The following A2M variants were observed in gnomAD, a reference collection of about 807,000 sequenced individuals.
The protein encoded by A2M is alpha-2-macroglobulin, also known as C3 and PZP-like alpha-2-macroglobulin domain-containing protein 5.
Under a neutral mutation model 183.9 loss-of-function variants are expected in A2M, and 128 were observed. The observed-to-expected ratio is 0.70, with a 90% CI of 0.60 to 0.81. The LOEUF (loss-of-function observed/expected upper bound fraction) is 0.81, where lower values mean the gene tolerates loss of function less well. Among genes scored for constraint, A2M ranks in the 30% least tolerant of loss-of-function variants. A2M has a pLI of 0.00. For synonymous variants in A2M, 592 were observed against 670.8 expected (o/e 0.88, Z 1.81); for missense variants, 1,495 against 1,787.6 (o/e 0.84, Z 2.95).
Position 9,091,232 on chromosome 12 carries a change from G to A in A2M, c.2438C>T (p.Thr813Met), listed in dbSNP as rs774370975. The change falls in exon 19 of 36, where the codon ACG becomes ATG. Residue 813 changes from threonine to methionine, a missense_variant. Physicochemically the swap from Thr to Met is moderately conservative, Grantham distance 81. Coordinates refer to ENST00000318602, the MANE Select transcript of A2M (RefSeq NM_000014.6). ...IRGEAFTLKATVLNYLPKCIR... is the reference protein window; with the variant it reads ...IRGEAFTLKAMVLNYLPKCIR... ...GCATTTGGGAAGGTAGTTTAGGACC[G>A]TGGCCTTGAGTGTGAAGGCCTCTCC... 36 of 1,614,172 alleles carry A rather than the reference G, an allele frequency of 2.2e-5. No homozygotes were observed. Among genetic ancestry groups the A allele is most frequent in the Non-Finnish European group, 2.8e-5 (33 of 1,180,034 alleles).
Position 9,072,778 on chromosome 12 carries a change from C to A in A2M, c.3850G>T (p.Gly1284Trp). ...ACTTGGAATTTGCTGGAAAATGTCC[C>A]TGAAGACTGGATAGTCACCTGTGCA... ...KAAQVTIQSS[G>W]TFSSKFQVDN... is the part of the protein sequence containing the mutation. The change falls in exon 30 of 36, where the codon GGG becomes TGG. Residue 1284 changes from glycine (G) to tryptophan (W), a missense_variant. Physicochemically the swap from Gly to Trp is radical, Grantham distance 184. Transcript: ENST00000318602. The A allele has an allele frequency of 6.2e-7, 1 of 1,614,196 alleles. No homozygotes were observed. Among genetic ancestry groups the A allele is most frequent in the South Asian group, 1.1e-5 (1 of 91,080 alleles).
intron 6 of A2M, among the ~76,000 whole-genome samples, 174 bp downstream of exon 6, chr12:9,109,693 G>C (rs10842898): frequency 6.6e-6 from 1 of 152,020 alleles, no homozygotes; most frequent in Non-Finnish European, 1.5e-5. Flanking sequence ...GAAGCTATGT[G>C]AAGTCCTATT....
At chr12:9,091,647 C>T (rs1314248198) in intron 18 of A2M, among the ~76,000 whole-genome samples, 1 of 152,170 alleles carries the variant, frequency 6.6e-6, no homozygotes, top group Non-Finnish European at 1.5e-5. Context: ...TAATCTTTTA[C>T]AGACAATATA....
intron 7 of A2M, among the ~76,000 whole-genome samples, chr12:9,108,289 C>T (rs959092845): frequency 6.6e-6 from 1 of 152,026 alleles, no homozygotes; most frequent in East Asian, 1.9e-4. Flanking sequence ...CCATGCCTGG[C>T]TAATTTTTTG....
chr12:9,079,215 AG>A, intron 25 of A2M, 28 bp downstream of exon 25: 1 of 1,585,546 alleles, frequency 6.3e-7, no homozygotes, highest in South Asian at 1.1e-5. Context: ...GCACACAAAA[AG>A]AAGCTCAAAA....
chr12:9,069,113 A>G, intron 33 of A2M: 2 of 260,762 alleles, frequency 7.7e-6, no homozygotes, highest in South Asian at 1.5e-4. Flanking sequence ...TTATTGGATG[A>G]CTAACTGTGT....
intron 7 of A2M, among the ~76,000 whole-genome samples, 179 bp downstream of exon 7, chr12:9,109,142 G>T (rs144748619): frequency 7.6e-4 from 116 of 152,172 alleles, no homozygotes; most frequent in African/African-American, 2.8e-3. Context: ...TGATAAGAAC[G>T]TGAAAGAAAA....
chr12:9,070,982 G>A (rs770040083), intron 31 of A2M, among the ~76,000 whole-genome samples: 5 of 152,034 alleles, frequency 3.3e-5, no homozygotes, highest in African/African-American at 4.8e-5. Flanking sequence ...CACCACGTCC[G>A]ACTAATTTTG....
intron 33 of A2M, 151 bp from the exon 34 acceptor site, chr12:9,068,993 G>C (rs1332411521): frequency 5.6e-6 from 3 of 531,068 alleles, no homozygotes; most frequent in East Asian, 3.0e-5. Context: ...AAATCTCTCA[G>C]AGGGGATGAT....
At chr12:9,101,355 T>G in intron 12 of A2M, 92 bp downstream of exon 12, 2 of 1,342,236 alleles carry the variant, frequency 1.5e-6, no homozygotes, top group South Asian at 2.6e-5. Context: ...GATAAGAAGT[T>G]GAAGTAATGA....
rs1592375050 is a variant in A2M, at chr12:9,099,231, T to G, written c.1701+150A>C. The G allele has an allele frequency of 8.7e-5, 29 of 333,482 alleles. 7 individuals carry two copies. Among genetic ancestry groups the G allele is most frequent in the African/African-American group, 1.6e-4 (4 of 24,796 alleles). The allele number at this position is 333,482 out of a possible 1,614,324, so 20.7% of individuals were successfully genotyped here. ...GTATAAGGAATCAAGTGATTCTGCTTCTTAGTGTGACTCTGCCACTACCTT... is the reference window on the plus strand; with the variant it reads ...GTATAAGGAATCAAGTGATTCTGCTGCTTAGTGTGACTCTGCCACTACCTT... On this transcript the variant is annotated intron_variant, in intron 14 of 35. Transcript: ENST00000318602.
intron 2 of A2M, 68 bp from the exon 3 acceptor site, chr12:9,112,604 C>A: frequency 6.4e-7 from 1 of 1,561,436 alleles, no homozygotes; most frequent in Non-Finnish European, 8.8e-7. Flanking sequence ...TTTGCTGTTG[C>A]ACTCTTCCCT....
intron 15 of A2M, 35 bp from the exon 16 acceptor site, chr12:9,095,735 T>C: frequency 1.5e-6 from 2 of 1,315,686 alleles, no homozygotes; most frequent in African/African-American, 1.5e-5. Context: ...GGCAAACTTA[T>C]TTGTGACTTT....
chr12:9,077,970 TAGAG>T, intron 25 of A2M, 113 bp from the exon 26 acceptor site: 2 of 1,238,162 alleles, frequency 1.6e-6, no homozygotes, highest in Non-Finnish European at 2.3e-6. Flanking sequence ...CTTGTGTACT[TAGAG>T]AGCTTATCTC....
intron 11 of A2M, 71 bp from the exon 12 acceptor site, chr12:9,101,745 G>GT (rs1441787196): frequency 1.4e-4 from 179 of 1,261,766 alleles, no homozygotes; most frequent in Admixed American, 3.6e-4. Flanking sequence ...ACAAAACTAC[G>GT]TAAGTTTACT....
At chr12:9,068,020 A>G in intron 35 of A2M, 163 bp downstream of exon 35, 1 of 976,684 alleles carries the variant, frequency 1.0e-6, no homozygotes, top group Non-Finnish European at 1.6e-6. Flanking sequence ...GGTTTGACAG[A>G]GTCAGCGGCC....
chr12:9,087,564 T>C (rs1252002782), intron 22 of A2M, among the ~76,000 whole-genome samples: 1 of 146,260 alleles, frequency 6.8e-6, no homozygotes, highest in Non-Finnish European at 1.6e-5. Flanking sequence ...AAGGAATACA[T>C]TTTTTTCTTT....
At chr12:9,089,733 T>G (rs994414925) in intron 21 of A2M, among the ~76,000 whole-genome samples, 169 bp downstream of exon 21, 3 of 152,044 alleles carry the variant, frequency 2.0e-5, no homozygotes, top group African/African-American at 7.2e-5. Flanking sequence ...AGAGCAAGAC[T>G]CTGCCTCAAA....
At chr12:9,112,741 A>G (rs74060573) in intron 2 of A2M, 244 of 567,020 alleles carry the variant, frequency 4.3e-4, no homozygotes, top group African/African-American at 3.9e-3. Context: ...AAAATAAATC[A>G]GTAAGAGAGG....
Sources: allele counts gnomAD v4.1 joint callset (sites outside exome capture counted in the v4.1 genomes callset), GRCh38; gene constraint gnomAD v4.1.1; transcripts MANE v1.5; gene names NCBI Gene and HGNC (gene_info 2026-07-23, HGNC 2026-07-21).